The following FEM1C variants were observed in gnomAD, a reference collection of about 807,000 sequenced individuals.
FEM1C encodes the protein protein fem-1 homolog C.
A neutral mutation model predicts 37.6 loss-of-function variants in FEM1C; 15 were observed. That is an observed-to-expected ratio of 0.40 (90% CI 0.27 to 0.61). The LOEUF (loss-of-function observed/expected upper bound fraction) is 0.61. Among genes scored for constraint, FEM1C ranks in the 20% least tolerant of loss-of-function variants. FEM1C has a pLI of 0.42. For missense variants in FEM1C, 532 were observed against 749.7 expected (o/e 0.71, Z 3.39); for synonymous variants, 287 against 272.8 (o/e 1.05, Z -0.51).
In FEM1C at chr5:115,543,419, G is replaced by A. The variant is rs1443687379; in HGVS notation, c.75C>T (p.Ser25=). Residue 25 remains serine, a synonymous_variant, in exon 2 of 3, where the codon AGC becomes AGT. Transcript: ENST00000274457. Reference sequence around the variant, plus strand: ...AGGAGGAAACCTCCTCTTTGGATTTGCTTGCCAACAATTTGGTGAGAAGCC... The same window carrying A: ...AGGAGGAAACCTCCTCTTTGGATTTACTTGCCAACAATTTGGTGAGAAGCC... ...KLRLLTKLLA[S]KSKEEVSSLI... 6.2e-7 allele frequency: 1 copy of A among 1,614,022 alleles called. No individual in the cohort carries two copies. The highest frequency in any genetic ancestry group is 2.2e-5 in the East Asian group (1 of 44,898).
chr5:115,543,744 C>T lies in FEM1C; in HGVS notation c.-190-61G>A, dbSNP rs1232605648. 18 of 1,288,260 alleles carry T rather than the reference C, an allele frequency of 1.4e-5. No homozygotes were observed. In the East Asian group the frequency reaches 5.6e-4, roughly 40 times the overall value. The allele number at this position is 1,288,260 out of a possible 1,614,324, so 79.8% of individuals were successfully genotyped here. A position where few individuals can be genotyped will look rare whatever the true frequency, so the allele number is the denominator to read the frequency against. The stretch of plus-strand genomic sequence containing the variant: ...TTCTATAGAAGAAGGCAAAACACTT[C>T]TTAATTTCCACTTCTGTGGGAAGAA... On this transcript the variant is annotated intron_variant, in intron 1 of 2. Transcript: ENST00000274457.
At chr5:115,533,473 G>C (rs1244514228) in intron 2 of FEM1C, among the ~76,000 whole-genome samples, 1 of 151,944 alleles carries the variant, frequency 6.6e-6, no homozygotes, top group African/African-American at 2.4e-5. Context: ...TGAGTTACCA[G>C]GGTCTTGTGA....
chr5:115,524,998 T>A lies in FEM1C; in HGVS notation c.1164A>T (p.Glu388Asp). The stretch of plus-strand genomic sequence containing the variant: ...TATCCTGTAGCATAAAGGAGAATAG[T>A]TCTGCAAAAGATAATAAGCTGCTGG... ...MTASSLLSFA[E>D]LFSFMLQDRA... is the part of the protein sequence containing the mutation. Residue 388 changes from glutamate (E) to aspartate (D), a missense_variant, in exon 3 of 3, where the codon GAA becomes GAT. This residue lies in a region of FEM1C where 221 missense variants were observed against 404.1 expected (regional missense o/e 0.55). Coordinates refer to ENST00000274457, the MANE Select transcript of FEM1C (RefSeq NM_020177.3). 2.5e-6 allele frequency: 4 copies of A among 1,613,720 alleles called. No individual in the cohort carries two copies. The highest frequency in any genetic ancestry group is 3.4e-6 in the Non-Finnish European group (4 of 1,179,838).
intron 2 of FEM1C, among the ~76,000 whole-genome samples, chr5:115,527,255 C>A (rs189918644): frequency 7.9e-5 from 12 of 152,046 alleles, no homozygotes; most frequent in Non-Finnish European, 1.5e-4. Context: ...GCATGTGTAC[C>A]AGAAAGTATT....
At chr5:115,536,941 G>A (rs1308303957) in intron 2 of FEM1C, among the ~76,000 whole-genome samples, 1 of 151,956 alleles carries the variant, frequency 6.6e-6, no homozygotes, top group African/African-American at 2.4e-5. Context: ...AATTTTCAAG[G>A]CTAAGAGCAC....
At chr5:115,529,294 CAA>C (rs1753969568) in intron 2 of FEM1C, among the ~76,000 whole-genome samples, 2 of 151,866 alleles carry the variant, frequency 1.3e-5, no homozygotes, top group Admixed American at 6.6e-5. Flanking sequence ...AATCTTAAAA[CAA>C]GAGAATGAAT....
At chr5:115,530,731 C>T (rs1237158214) in intron 2 of FEM1C, among the ~76,000 whole-genome samples, 1 of 152,012 alleles carries the variant, frequency 6.6e-6, no homozygotes, top group Non-Finnish European at 1.5e-5. Flanking sequence ...CTAGAAAAAC[C>T]TGTCTATTTG....
chr5:115,524,303 A>C lies in FEM1C; in HGVS notation c.*5T>G. ...CTTTAACAGTGCTAAAATACAGTCA[A>C]GTTATCATCTATGAAGGGAAACAAA... On this transcript the variant is annotated 3_prime_UTR_variant, in exon 3 of 3. Coordinates refer to ENST00000274457, the MANE Select transcript of FEM1C (RefSeq NM_020177.3). The C allele has an allele frequency of 6.2e-7, 1 of 1,611,472 alleles. No individual in the cohort carries two copies. The highest frequency in any genetic ancestry group is 1.1e-5 in the South Asian group (1 of 90,960).
Position 115,524,152 on chromosome 5 carries a change from C to T in FEM1C, c.*156G>A. ...ATATTTATATTAAATATTGGGAAAC[C>T]AATGTTGTAAATTTGATGCTTATAA... On this transcript the variant is annotated 3_prime_UTR_variant, in exon 3 of 3. Transcript: ENST00000274457. The T allele has an allele frequency of 1.7e-6, 1 of 593,532 alleles. No individual in the cohort carries two copies. Among genetic ancestry groups the T allele is most frequent in the Non-Finnish European group, 3.0e-6 (1 of 337,098 alleles). The allele number at this position is 593,532 out of a possible 1,614,324, so 36.8% of individuals were successfully genotyped here.
chr5:115,521,680 CAGTTT>C lies in FEM1C; in HGVS notation c.*2623_*2627del, dbSNP rs1241481907. 6.6e-6 allele frequency: 1 copy of C among 151,778 alleles called. No individual in the cohort carries two copies. Among genetic ancestry groups the C allele is most frequent in the Admixed American group, 6.6e-5 (1 of 15,204 alleles). The allele number at this position is 151,778 out of a possible 1,614,324, so 9.4% of individuals were successfully genotyped here. On this transcript the variant is annotated 3_prime_UTR_variant, in exon 3 of 3. Coordinates refer to ENST00000274457, the MANE Select transcript of FEM1C (RefSeq NM_020177.3). ...GTCAATAACACCGTGCTACAGTGTA[CAGTTT>C]AGTTAGACTCAAGAGTGTAATTGGT...
Position 115,524,203 on chromosome 5 carries a change from A to G in FEM1C, c.*105T>C, listed in dbSNP as rs1358337649. 1 of 869,542 alleles carries G rather than the reference A, an allele frequency of 1.2e-6. No homozygotes were observed. The highest frequency in any genetic ancestry group is 1.8e-6 in the Non-Finnish European group (1 of 551,660). The allele number at this position is 869,542 out of a possible 1,614,324, so 53.9% of individuals were successfully genotyped here. A position where few individuals can be genotyped will look rare whatever the true frequency, so the allele number is the denominator to read the frequency against. On this transcript the variant is annotated 3_prime_UTR_variant, in exon 3 of 3. Transcript: ENST00000274457. ...TGCTTTAGCCAATGAGAGCACAATG[A>G]TATCAATCAAGCTAAATGAATGCTG...
At position 115,525,031 on chromosome 5, in the gene FEM1C, T is replaced by G. The variant is rs761166342; in HGVS notation, c.1131A>C (p.Pro377=). 1.2e-6 allele frequency: 2 copies of G among 1,613,678 alleles called. No individual in the cohort carries two copies. The highest frequency in any genetic ancestry group is 1.1e-5 in the South Asian group (1 of 91,052). ...MQQSNLDPLS[P]MTASSLLSFA... ...AAGATAATAAGCTGCTGGCGGTCAT[T>G]GGGCTTAAAGGATCCAAATTGCTCT... The change falls in exon 3 of 3, where the codon CCA becomes CCC. Residue 377 remains proline (P), a synonymous_variant. Coordinates refer to ENST00000274457, the MANE Select transcript of FEM1C (RefSeq NM_020177.3).
At chr5:115,531,723 G>T (rs1184812070) in intron 2 of FEM1C, among the ~76,000 whole-genome samples, 7 of 152,020 alleles carry the variant, frequency 4.6e-5, no homozygotes. Context: ...TCTAAAATTT[G>T]ATTTTCATGT....
intron 2 of FEM1C, among the ~76,000 whole-genome samples, chr5:115,528,256 A>G (rs977967655): frequency 3.3e-5 from 5 of 152,158 alleles, no homozygotes; most frequent in African/African-American, 1.2e-4. Flanking sequence ...ACAGGATTTA[A>G]GACATAACAA....
chr5:115,521,227 C>A lies in FEM1C; in HGVS notation c.*3081G>T, dbSNP rs1753767426. On this transcript the variant is annotated 3_prime_UTR_variant, in exon 3 of 3. Coordinates refer to ENST00000274457, the MANE Select transcript of FEM1C (RefSeq NM_020177.3). ...GTATGTCATTATCTCATCCAGCCTG[C>A]ACAATTCTAAGAAAATTAATTACAA... 1 of 151,672 alleles carries A rather than the reference C, an allele frequency of 6.6e-6. No homozygotes were observed. 9.4% of individuals were successfully genotyped at this position (151,672 alleles called of 1,614,324 possible).
In FEM1C at chr5:115,543,672, C is replaced by G. The variant is rs551312875; in HGVS notation, c.-179G>C. On this transcript the variant is annotated 5_prime_UTR_variant, in exon 2 of 3. Transcript: ENST00000274457. Reference sequence around the variant, plus strand: ...CTACTGCTTTCCAACATCTGACAACCAGGGCACCAAACTAGAGAAAGAAAA... The same window carrying G: ...CTACTGCTTTCCAACATCTGACAACGAGGGCACCAAACTAGAGAAAGAAAA... The G allele has an allele frequency of 7.3e-7, 1 of 1,364,306 alleles. No individual in the cohort carries two copies. Among genetic ancestry groups the G allele is most frequent in the Non-Finnish European group, 9.4e-7 (1 of 1,063,470 alleles). The allele number at this position is 1,364,306 out of a possible 1,614,324, so 84.5% of individuals were successfully genotyped here. A position where few individuals can be genotyped will look rare whatever the true frequency, so the allele number is the denominator to read the frequency against.
chr5:115,532,091 T>C (rs1308166824), intron 2 of FEM1C, among the ~76,000 whole-genome samples: 2 of 152,104 alleles, frequency 1.3e-5, no homozygotes, highest in East Asian at 3.9e-4. Context: ...CTTAAAGAGG[T>C]TTTCCTGGTT....
chr5:115,532,496 A>G (rs1488510093), intron 2 of FEM1C, among the ~76,000 whole-genome samples: 1 of 151,980 alleles, frequency 6.6e-6, no homozygotes, highest in African/African-American at 2.4e-5. Flanking sequence ...AAGTTTTTTA[A>G]TTATAGCCTA....
chr5:115,525,731 T>C (rs964931293), intron 2 of FEM1C, 114 bp from the exon 3 acceptor site: 9 of 787,310 alleles, frequency 1.1e-5, no homozygotes, highest in South Asian at 2.3e-5. Context: ...AGTTCCTAAG[T>C]AGGACATACT....
Sources: allele counts gnomAD v4.1 joint callset (sites outside exome capture counted in the v4.1 genomes callset), GRCh38; gene constraint gnomAD v4.1.1; regional missense constraint gnomAD v4.1.1; transcripts MANE v1.5; gene names NCBI Gene and HGNC (gene_info 2026-07-23, HGNC 2026-07-21).